ASAP1: variants seen among roughly 807,000 people sequenced by gnomAD.
The protein encoded by ASAP1 is ArfGAP with SH3 domain, ankyrin repeat and PH domain 1, also known as arf-GAP with SH3 domain, ANK repeat and PH domain-containing protein 1.
ASAP1 carries 43 observed loss-of-function variants against 145.2 expected under a neutral mutation model. That is an observed-to-expected ratio of 0.30 (90% CI 0.23 to 0.38). The LOEUF (loss-of-function observed/expected upper bound fraction) is 0.38, where lower values mean the gene tolerates loss of function less well. Ranked by LOEUF, ASAP1 falls within the 10% of genes least tolerant of loss-of-function variation. The probability of loss-of-function intolerance (pLI) is 1.00; values close to 1 mark genes in which losing one functional copy is unlikely to be tolerated. For synonymous variants in ASAP1, 546 were observed against 515.5 expected, an observed-to-expected ratio of 1.06 and a Z score of -0.80; for missense variants, 1,018 against 1,355.3, an observed-to-expected ratio of 0.75 and a Z score of 3.91.
At chr8:130,435,126 G>A (rs1001633450) in intron 1 of ASAP1, among the ~76,000 whole-genome samples, 1 of 152,144 alleles carries the variant, frequency 6.6e-6, no homozygotes, top group Non-Finnish European at 1.5e-5. Flanking sequence ...AACCTGGCGG[G>A]GAGGGTGACT....
At chr8:130,265,294 G>A (rs1194488925) in intron 3 of ASAP1, among the ~76,000 whole-genome samples, 1 of 152,146 alleles carries the variant, frequency 6.6e-6, no homozygotes, top group African/African-American at 2.4e-5. Flanking sequence ...AGATTGGCCG[G>A]GTGTGGTGGC....
intron 3 of ASAP1, among the ~76,000 whole-genome samples, chr8:130,326,839 T>C (rs763345996): frequency 1.3e-5 from 2 of 152,218 alleles, no homozygotes; most frequent in African/African-American, 4.8e-5. Flanking sequence ...AATGACCTTA[T>C]AGAATATATT....
intron 2 of ASAP1, among the ~76,000 whole-genome samples, chr8:130,389,286 A>G (rs552134999): frequency 6.6e-6 from 1 of 152,312 alleles, no homozygotes; most frequent in African/African-American, 2.4e-5. Context: ...CCTTCCTGCC[A>G]GGTCAGACAG....
At position 130,134,297 on chromosome 8, in the gene ASAP1, C is replaced by A; in HGVS notation, c.1216G>T (p.Ala406Ser). 1 of 1,580,334 alleles carries A rather than the reference C, an allele frequency of 6.3e-7. No homozygotes were observed. The highest frequency in any genetic ancestry group is 8.6e-7 in the Non-Finnish European group (1 of 1,163,252). Residue 406 changes from alanine to serine, a missense_variant and splice_region_variant, in exon 15 of 30, where the codon GCA (alanine) becomes TCA (serine). By Grantham distance (99) the Ala-to-Ser change is moderately conservative (BLOSUM62 1). Coordinates refer to ENST00000518721, the MANE Select transcript of ASAP1 (RefSeq NM_018482.4). The part of the protein sequence containing the change: ...FQAEDEQDYV[A>S]WISVLTNSKE... ...CACCTTTATTTCAAAACTACTTACGCTACATAATCCTGCTCATCTTCTGCC... is the reference window on the plus strand; with the variant it reads ...CACCTTTATTTCAAAACTACTTACGATACATAATCCTGCTCATCTTCTGCC...
chr8:130,313,082 A>G (rs576924980), intron 3 of ASAP1, among the ~76,000 whole-genome samples: 4 of 152,340 alleles, frequency 2.6e-5, no homozygotes, highest in Non-Finnish European at 5.9e-5. Context: ...TTTTCATGGA[A>G]GAATCATAAG....
At chr8:130,242,796 T>C (rs1177653450) in intron 3 of ASAP1, among the ~76,000 whole-genome samples, 1 of 152,118 alleles carries the variant, frequency 6.6e-6, no homozygotes, top group African/African-American at 2.4e-5. Context: ...GAAGAAAGAA[T>C]TGACAATGAA....
chr8:130,240,633 C>T (rs549981321), intron 3 of ASAP1, among the ~76,000 whole-genome samples: 6 of 152,146 alleles, frequency 3.9e-5, no homozygotes, highest in Admixed American at 2.6e-4. Flanking sequence ...AGTATGTATC[C>T]GCAGTTGGAC....
chr8:130,212,884 G>C (rs117765643), intron 5 of ASAP1, among the ~76,000 whole-genome samples: 1 of 152,286 alleles, frequency 6.6e-6, no homozygotes, highest in Non-Finnish European at 1.5e-5. Flanking sequence ...CTTGACTTAA[G>C]CCAATACATT....
intron 4 of ASAP1, among the ~76,000 whole-genome samples, chr8:130,220,947 C>T (rs779236424): frequency 5.9e-5 from 9 of 152,236 alleles, no homozygotes; most frequent in Middle Eastern, 6.8e-3. Flanking sequence ...GGGGGAACCA[C>T]CCCCATGATT....
intron 24 of ASAP1, among the ~76,000 whole-genome samples, chr8:130,096,057 AACAC>A (rs2097517140): frequency 6.6e-6 from 1 of 152,262 alleles, no homozygotes; most frequent in Non-Finnish European, 1.5e-5. Flanking sequence ...TTGGAAAACA[AACAC>A]ACAGACAGAC....
rs199998244 is a variant in ASAP1 at position 130,058,203 on chromosome 8, T to C, written c.3193-127A>G. The C allele has an allele frequency of 5.9e-6, 6 of 1,020,360 alleles. No homozygotes were observed. In the East Asian group the frequency reaches 1.2e-4, roughly 21 times the overall value. The allele number at this position is 1,020,360 out of a possible 1,614,324, so 63.2% of individuals were successfully genotyped here. ...TCGCTGAGCCTTGATTTCCTCACCC[T>C]TGAAGGGCGGGAAGAAGAGTGTCTG... On this transcript the variant is annotated intron_variant, in intron 28 of 29. Coordinates refer to ENST00000518721, the MANE Select transcript of ASAP1 (RefSeq NM_018482.4).
chr8:130,342,934 C>G (rs75378647), intron 3 of ASAP1, among the ~76,000 whole-genome samples: 1 of 152,268 alleles, frequency 6.6e-6, no homozygotes, highest in African/African-American at 2.4e-5. Flanking sequence ...AGCAACCAAA[C>G]TAATTCACAA....
intron 9 of ASAP1, 152 bp downstream of exon 9, chr8:130,179,112 A>T: frequency 2.0e-6 from 1 of 510,508 alleles, no homozygotes; most frequent in South Asian, 3.1e-5. Flanking sequence ...AAGATGGAAG[A>T]CACTATTTCT....
At chr8:130,411,592 T>A (rs923988219) in intron 1 of ASAP1, among the ~76,000 whole-genome samples, 1 of 152,166 alleles carries the variant, frequency 6.6e-6, no homozygotes, top group Non-Finnish European at 1.5e-5. Context: ...GCTGGCTTCT[T>A]GGGGAAACCA....
At chr8:130,204,049 C>A (rs754355597) in intron 5 of ASAP1, among the ~76,000 whole-genome samples, 2 of 152,188 alleles carry the variant, frequency 1.3e-5, no homozygotes, top group Non-Finnish European at 2.9e-5. Context: ...CCCCAGGCCA[C>A]GAACCGGTAC....
intron 27 of ASAP1, 33 bp from the exon 28 acceptor site, chr8:130,061,102 G>T: frequency 6.6e-7 from 1 of 1,518,482 alleles, no homozygotes; most frequent in Non-Finnish European, 8.8e-7. Flanking sequence ...GGAGGTCATT[G>T]GTGGGAAGGG....
At chr8:130,328,239 T>A (rs944728622) in intron 3 of ASAP1, among the ~76,000 whole-genome samples, 8 of 152,108 alleles carry the variant, frequency 5.3e-5, no homozygotes, top group Non-Finnish European at 8.8e-5. Flanking sequence ...CAAGTTCACA[T>A]AATTAGTATG....
intron 3 of ASAP1, among the ~76,000 whole-genome samples, chr8:130,276,546 T>C (rs1021063074): frequency 6.6e-5 from 10 of 152,118 alleles, no homozygotes; most frequent in Non-Finnish European, 1.2e-4. Flanking sequence ...TTGTGTCCTG[T>C]AGGCTGATCC....
At chr8:130,361,888 T>C in intron 2 of ASAP1, 4 of 723,810 alleles carry the variant, frequency 5.5e-6, no homozygotes, top group East Asian at 2.7e-5. Context: ...CGCACACACA[T>C]ATTTGTGTGC....
Sources: allele counts gnomAD v4.1 joint callset (sites outside exome capture counted in the v4.1 genomes callset), GRCh38; gene constraint gnomAD v4.1.1; transcripts MANE v1.5; gene names NCBI Gene and HGNC (gene_info 2026-07-23, HGNC 2026-07-21).